Variants in PDE1A observed in about 807,000 individuals in gnomAD.
The protein encoded by PDE1A is phosphodiesterase 1A, also known as dual specificity calcium/calmodulin-dependent 3',5'-cyclic nucleotide phosphodiesterase 1A.
Under a neutral mutation model 61.7 loss-of-function variants are expected in PDE1A, and 35 were observed. The ratio of observed to expected loss-of-function variants is 0.57; its 90% CI spans 0.43 to 0.75. The LOEUF (loss-of-function observed/expected upper bound fraction) is 0.75. Ranked by LOEUF, PDE1A falls within the 30% of genes least tolerant of loss-of-function variation. The probability of loss-of-function intolerance (pLI) is 0.00; values close to 1 mark genes in which losing one functional copy is unlikely to be tolerated. For synonymous variants in PDE1A, 232 were observed against 213.2 expected, an observed-to-expected ratio of 1.09 and a Z score of -0.77; for missense variants, 597 against 630.6, an observed-to-expected ratio of 0.95 and a Z score of 0.57.
chr2:182,168,148 C>A, exon 14 of PDE1A: 3 of 1,491,340 alleles, frequency 2.0e-6, no homozygotes, highest in Non-Finnish European at 2.7e-6. Context: ...TCCTGTCTCA[C>A]ACAGGACAGG....
At chr2:182,218,686 G>A (rs1179898326) in intron 7 of PDE1A, among the ~76,000 whole-genome samples, 2 of 152,024 alleles carry the variant, frequency 1.3e-5, no homozygotes, top group Non-Finnish European at 2.9e-5. Context: ...GGAATGTTTT[G>A]TAAAATGCTT....
chr2:182,240,377 T>TA, intron 2 of PDE1A, 85 bp from the exon 3 acceptor site: 2 of 772,848 alleles, frequency 2.6e-6, no homozygotes, highest in South Asian at 2.8e-5. Flanking sequence ...CAATGGGATT[T>TA]AAAATATAGC....
the PDE1A span, among the ~76,000 whole-genome samples, chr2:182,683,100 T>C: frequency 6.6e-6 from 1 of 151,514 alleles, no homozygotes; most frequent in Admixed American, 6.6e-5. Flanking sequence ...CTTTTCTTTT[T>C]TTTTTTTTTT....
At chr2:182,142,474 G>T (rs894237332), downstream of PDE1A, 1 of 152,082 alleles carries the variant, frequency 6.6e-6, no homozygotes. Flanking sequence ...ATGCTCCATT[G>T]TTGGACTGTA....
chr2:182,303,578 G>A lies in PDE1A; in HGVS notation c.54-39164C>T, dbSNP rs181477825. ...TAAGGGGCCTGGGATTTTCAGAAGG[G>A]TAAATGAGCATTGGCTCTAAGTTAA... On this transcript the variant is annotated intron_variant, in intron 1 of 13. Coordinates refer to ENST00000351439, the Ensembl canonical transcript of PDE1A. 1.8e-3 allele frequency among the ~76,000 whole-genome samples: 277 copies of A among 152,312 alleles called. 2 individuals are homozygous for A. Among genetic ancestry groups the A allele is most frequent in the African/African-American group, 6.4e-3 (265 of 41,568 alleles).
At chr2:182,331,570 T>C (rs1260172350) in intron 1 of PDE1A, among the ~76,000 whole-genome samples, 2 of 152,192 alleles carry the variant, frequency 1.3e-5, no homozygotes, top group Non-Finnish European at 2.9e-5. Context: ...CAGCATTTGC[T>C]TGTCTGTAAA....
At chr2:182,386,805 G>A (rs909761824) in intron 1 of PDE1A, among the ~76,000 whole-genome samples, 1 of 149,118 alleles carries the variant, frequency 6.7e-6, no homozygotes, top group Non-Finnish European at 1.5e-5. Context: ...GGAGGTGGGG[G>A]GCACCTCCAC....
the PDE1A span, among the ~76,000 whole-genome samples, chr2:182,652,162 T>C: frequency 2.6e-5 from 4 of 152,200 alleles, 1 homozygote; most frequent in South Asian, 8.3e-4. Context: ...ACATGAAGCA[T>C]TCTCCCAGTA....
At chr2:182,382,991 T>C (rs1468490823) in intron 1 of PDE1A, among the ~76,000 whole-genome samples, 1 of 152,190 alleles carries the variant, frequency 6.6e-6, no homozygotes, top group African/African-American at 2.4e-5. Flanking sequence ...AAGATAATCA[T>C]TAACAACACC....
At chr2:182,170,576 G>A (rs752802069) in intron 13 of PDE1A, among the ~76,000 whole-genome samples, 7 of 151,928 alleles carry the variant, frequency 4.6e-5, no homozygotes, top group Non-Finnish European at 5.9e-5. Context: ...ATATGAAACC[G>A]TGAAAAGAAA....
intron 2 of PDE1A, among the ~76,000 whole-genome samples, chr2:182,247,373 G>C (rs1261010038): frequency 1.3e-5 from 2 of 152,142 alleles, no homozygotes; most frequent in Non-Finnish European, 2.9e-5. Context: ...TTCTAATGAA[G>C]ACATAAGTAA....
At chr2:182,682,170 G>A in the PDE1A span, among the ~76,000 whole-genome samples, 2 of 152,096 alleles carry the variant, frequency 1.3e-5, no homozygotes, top group African/African-American at 4.8e-5. Flanking sequence ...AGATTGTTAC[G>A]GAATACCAGG....
At chr2:182,259,633 C>A (rs544126160) in intron 2 of PDE1A, among the ~76,000 whole-genome samples, 63 of 152,262 alleles carry the variant, frequency 4.1e-4, no homozygotes, top group African/African-American at 1.5e-3. Context: ...AGTAGAGAAT[C>A]CAGACTTTGA....
intron 2 of PDE1A, among the ~76,000 whole-genome samples, chr2:182,252,372 T>G (rs1333079118): frequency 6.6e-6 from 1 of 152,190 alleles, no homozygotes; most frequent in African/African-American, 2.4e-5. Context: ...TTTGTATATA[T>G]GGTCAGCCAT....
intron 2 of PDE1A, among the ~76,000 whole-genome samples, chr2:182,442,531 G>A (rs918739441): frequency 7.2e-5 from 11 of 152,098 alleles, no homozygotes; most frequent in African/African-American, 2.2e-4. Flanking sequence ...ATGTGCAAAT[G>A]TGTGATAAAA....
chr2:182,151,555 C>T (rs1218795390), intron 13 of PDE1A, among the ~76,000 whole-genome samples: 2 of 152,172 alleles, frequency 1.3e-5, no homozygotes, highest in African/African-American at 4.8e-5. Context: ...TTGACTGTTT[C>T]CCAAGCTACA....
chr2:182,336,552 AG>A (rs1489372790), intron 1 of PDE1A, among the ~76,000 whole-genome samples: 8 of 152,112 alleles, frequency 5.3e-5, no homozygotes, highest in African/African-American at 9.7e-5. Flanking sequence ...CTCACTCATA[AG>A]TGGGAGTTGA....
At chr2:182,472,510 A>G (rs1315413411) in intron 2 of PDE1A, among the ~76,000 whole-genome samples, 1 of 151,972 alleles carries the variant, frequency 6.6e-6, no homozygotes, top group Non-Finnish European at 1.5e-5. Context: ...AATTATGTGT[A>G]CACATTGAAG....
the PDE1A span, among the ~76,000 whole-genome samples, chr2:182,628,345 A>G: frequency 1.3e-5 from 2 of 152,212 alleles, no homozygotes; most frequent in South Asian, 4.1e-4. Context: ...AGACAAATAT[A>G]TTTTCACATT....
Sources: gnomAD v4.1 joint callset for allele counts (sites outside exome capture counted in the v4.1 genomes callset) on GRCh38, gnomAD v4.1.1 for gene constraint, MANE v1.5 for transcripts, NCBI Gene and HGNC (gene_info 2026-07-23, HGNC 2026-07-21) for gene names.